The following ETFBKMT variants were observed in gnomAD, a reference collection of about 807,000 sequenced individuals.
ETFBKMT encodes electron transfer flavoprotein subunit beta lysine methyltransferase.
In ETFBKMT, 13 loss-of-function variants were observed where a neutral mutation model predicts 18.3. The observed-to-expected ratio is 0.71, with a 90% CI of 0.46 to 1.13. The LOEUF is 1.13. Ranked by LOEUF, ETFBKMT falls within the 50% of genes most tolerant of loss-of-function variation. The pLI is 0.00. For synonymous variants in ETFBKMT, 84 were observed against 107.9 expected (o/e 0.78, Z 1.37); for missense variants, 293 against 306.2 (o/e 0.96, Z 0.32).
chr12:31,653,421 A>G (rs199532964), intron 1 of ETFBKMT, among the ~76,000 whole-genome samples: 2 of 136,596 alleles, frequency 1.5e-5, no homozygotes, highest in Non-Finnish European at 3.2e-5. Flanking sequence ...TGAGGATTCT[A>G]GTGTCAGTTG....
rs1017202518 is a variant in ETFBKMT at position 31,662,127 on chromosome 12, C to T, written c.174C>T (p.Thr58=). 6 of 1,614,084 alleles carry T rather than the reference C, an allele frequency of 3.7e-6. No homozygotes were observed. The highest frequency in any genetic ancestry group is 5.1e-6 in the Non-Finnish European group (6 of 1,180,042). Residue 58 remains threonine, a synonymous_variant, in exon 2 of 4, where the codon ACC becomes ACT. Coordinates refer to ENST00000357721, the MANE Select transcript of ETFBKMT (RefSeq NM_001135863.2). The part of the protein sequence containing the change: ...KAFLEENTEV[T]SSGSLTPEIQ... The stretch of plus-strand genomic sequence containing the variant: ...TCCTGGAGGAGAACACTGAAGTCAC[C>T]AGCAGTGGTAGCCTCACCCCTGAAA...
chr12:31,656,030 T>C (rs767019699), upstream of ETFBKMT, among the ~76,000 whole-genome samples: 2 of 152,244 alleles, frequency 1.3e-5, no homozygotes, highest in Non-Finnish European at 2.9e-5. Context: ...ATGTAATGTT[T>C]GTTATTTTAC....
upstream of ETFBKMT, chr12:31,659,393 C>T (rs1235386591): frequency 6.6e-6 from 1 of 152,292 alleles, no homozygotes; most frequent in Non-Finnish European, 1.5e-5. Flanking sequence ...GTGCCTGCCC[C>T]TTTAAGATCG....
upstream of ETFBKMT, among the ~76,000 whole-genome samples, chr12:31,654,671 G>A (rs562897556): frequency 7.8e-4 from 118 of 152,242 alleles, no homozygotes; most frequent in Middle Eastern, 3.4e-3. Flanking sequence ...GACAAAAACC[G>A]TATAAACTCT....
At chr12:31,651,307 C>CTTTTTTTTT (rs71062448) in intron 1 of ETFBKMT, among the ~76,000 whole-genome samples, 2 of 144,620 alleles carry the variant, frequency 1.4e-5, no homozygotes. Flanking sequence ...GATGCCTTCC[C>CTTTTTTTTT]TTTTTTTTTT....
intron 2 of ETFBKMT, among the ~76,000 whole-genome samples, chr12:31,663,185 C>T (rs1372528043): frequency 1.3e-5 from 2 of 151,474 alleles, no homozygotes; most frequent in African/African-American, 2.4e-5. Context: ...CCCCGCCTCC[C>T]GGGTTCACGC....
chr12:31,661,512 G>C (rs1290002897), intron 1 of ETFBKMT, among the ~76,000 whole-genome samples: 3 of 150,722 alleles, frequency 2.0e-5, no homozygotes, highest in Non-Finnish European at 4.4e-5. Context: ...TTTTGCTCTT[G>C]TTGCCCAGGC....
intron 2 of ETFBKMT, 55 bp from the exon 3 acceptor site, chr12:31,666,031 TC>T: frequency 2.6e-6 from 4 of 1,526,064 alleles, no homozygotes; most frequent in Non-Finnish European, 3.5e-6. Context: ...GGGGGCCTGT[TC>T]CCAACATTTA....
chr12:31,658,568 C>A (rs1244263828), upstream of ETFBKMT, among the ~76,000 whole-genome samples: 1 of 152,192 alleles, frequency 6.6e-6, no homozygotes, highest in Non-Finnish European at 1.5e-5. Context: ...GAGCGCAGAA[C>A]CCAAGCGACA....
Position 31,672,465 on chromosome 12 carries a change from T to C in ETFBKMT, c.*4475T>C. 1 of 913,554 alleles carries C rather than the reference T, an allele frequency of 1.1e-6. No individual in the cohort carries two copies. Among genetic ancestry groups the C allele is most frequent in the Non-Finnish European group, 1.7e-6 (1 of 573,482 alleles). The allele number at this position is 913,554 out of a possible 1,614,324, so 56.6% of individuals were successfully genotyped here. A position where few individuals can be genotyped will look rare whatever the true frequency, so the allele number is the denominator to read the frequency against. On this transcript the variant is annotated 3_prime_UTR_variant, in exon 4 of 4. Transcript: ENST00000357721. Reference sequence around the variant, plus strand: ...GTCTAACTGGAGGTGATGTTAATTATTATACAGTTATTTAAAGGATTAAAG... The same window carrying C: ...GTCTAACTGGAGGTGATGTTAATTACTATACAGTTATTTAAAGGATTAAAG...
chr12:31,648,402 C>T (rs1671108968), intron 1 of ETFBKMT, among the ~76,000 whole-genome samples: 1 of 147,236 alleles, frequency 6.8e-6, no homozygotes, highest in Admixed American at 6.8e-5. Flanking sequence ...CGCTCTTTTG[C>T]CCAGGCTGGA....
At position 31,662,085 on chromosome 12, in the gene ETFBKMT, C is replaced by T; in HGVS notation, c.132C>T (p.Asp44=). The change falls in exon 2 of 4, where the codon GAC becomes GAT. Residue 44 remains aspartate (D), a synonymous_variant. Transcript: ENST00000357721. ...GGAGAGGAGCTGGAAGCTTTTTGGA[C>T]CCTGAGATAAAGGCTTTCCTGGAGG... ...CPWRGAGSFL[D]PEIKAFLEEN... is the part of the protein sequence containing the mutation. 1 of 1,614,198 alleles carries T rather than the reference C, an allele frequency of 6.2e-7. No homozygotes were observed.
intron 1 of ETFBKMT, among the ~76,000 whole-genome samples, chr12:31,660,614 C>T (rs535034388): frequency 5.1e-4 from 78 of 152,132 alleles, no homozygotes; most frequent in Non-Finnish European, 9.7e-4. Context: ...TTGGTAAAAT[C>T]GAACCATCAG....
Position 31,667,882 on chromosome 12 carries a change from C to CAGCATTT in ETFBKMT, c.687_688insTAGCATT (p.Gln230Ter), listed in dbSNP as rs768556154. 6.2e-7 allele frequency: 1 copy of CAGCATTT among 1,614,164 alleles called. No individual in the cohort carries two copies. Among genetic ancestry groups the CAGCATTT allele is most frequent in the South Asian group, 1.1e-5 (1 of 91,088 alleles). ...CTGGGCGGCCCCAGTTCAGTGGACA[C>CAGCATTT]AGCATTCAGCATCACCTGCACAAAG... On this transcript the variant is annotated frameshift_variant, in exon 4 of 4. Coordinates refer to ENST00000357721, the MANE Select transcript of ETFBKMT (RefSeq NM_001135863.2). LOFTEE classifies it high-confidence loss of function.
chr12:31,656,027 GT>G (rs1159378106), upstream of ETFBKMT, among the ~76,000 whole-genome samples: 5 of 152,172 alleles, frequency 3.3e-5, no homozygotes, highest in Admixed American at 1.3e-4. Flanking sequence ...GATATGTAAT[GT>G]TTGTTATTTT....
At chr12:31,656,004 T>A (rs1013451465), upstream of ETFBKMT, among the ~76,000 whole-genome samples, 1 of 152,248 alleles carries the variant, frequency 6.6e-6, no homozygotes, top group Admixed American at 6.5e-5. Context: ...GTAAATTTTT[T>A]AAATGAGATA....
chr12:31,672,588 A>G lies in ETFBKMT; in HGVS notation c.*4598A>G. 2.4e-6 allele frequency: 1 copy of G among 414,298 alleles called. No homozygotes were observed. The highest frequency in any genetic ancestry group is 3.9e-5 in the Admixed American group (1 of 25,692). The allele number at this position is 414,298 out of a possible 1,614,324, so 25.7% of individuals were successfully genotyped here. On this transcript the variant is annotated 3_prime_UTR_variant, in exon 4 of 4. Transcript: ENST00000357721. ...GGTGTAGTGCACCTATCATGGTATT[A>G]CTTGTTTAAAAAAAAAAAACAGGCA... is the stretch of plus-strand genomic sequence containing the variant.
Position 31,666,198 on chromosome 12 carries a change from G to A in ETFBKMT, c.426G>A (p.Leu142=), listed in dbSNP as rs1165555636. 7 of 1,613,906 alleles carry A rather than the reference G, an allele frequency of 4.3e-6. No individual in the cohort carries two copies. The highest frequency in any genetic ancestry group is 1.7e-5 in the Admixed American group (1 of 59,984). Reference sequence around the variant, plus strand: ...AGATGAGTGGGGCATCAAGGATCTTGGCCAATGACATAGACCCTAGTAAGG... The same window carrying A: ...AGATGAGTGGGGCATCAAGGATCTTAGCCAATGACATAGACCCTAGTAAGG... ...AAKMSGASRI[L]ANDIDPIAGM... Residue 142 remains leucine, a synonymous_variant, in exon 3 of 4, where the codon TTG becomes TTA. Coordinates refer to ENST00000357721, the MANE Select transcript of ETFBKMT (RefSeq NM_001135863.2).
intron 1 of ETFBKMT, among the ~76,000 whole-genome samples, chr12:31,652,621 G>C (rs1316008027): frequency 6.6e-6 from 1 of 152,134 alleles, no homozygotes; most frequent in Non-Finnish European, 1.5e-5. Flanking sequence ...CTTAGACTTA[G>C]CTTTAGACGA....
Sources: allele counts gnomAD v4.1 joint callset (sites outside exome capture counted in the v4.1 genomes callset), GRCh38; gene constraint gnomAD v4.1.1; transcripts MANE v1.5; gene names NCBI Gene and HGNC (gene_info 2026-07-23, HGNC 2026-07-21).